APAF1: variants seen among roughly 807,000 people sequenced by gnomAD.
APAF1 encodes apoptotic peptidase activating factor 1.
Under a neutral mutation model 152.4 loss-of-function variants are expected in APAF1, and 91 were observed. The ratio of observed to expected loss-of-function variants is 0.60; its 90% confidence interval spans 0.50 to 0.71. The LOEUF is 0.71. APAF1 is among the 30% of genes least tolerant of loss of function. The probability of loss-of-function intolerance (pLI) is 0.00; values close to 1 mark genes in which losing one functional copy is unlikely to be tolerated. For synonymous variants in APAF1, 484 were observed against 494.1 expected, an observed-to-expected ratio of 0.98 and a Z score of 0.27; for missense variants, 1,283 against 1,472.0, an observed-to-expected ratio of 0.87 and a Z score of 2.10.
rs73378442 is a variant in APAF1, at chr12:98,706,938, A to T, written c.2721+328A>T. Among the ~76,000 whole-genome samples the T allele has an allele frequency of 1.6e-3, 249 of 152,256 alleles. 2 individuals are homozygous for T. Among genetic ancestry groups the T allele is most frequent in the African/African-American group, 5.8e-3 (240 of 41,550 alleles). Reference sequence around the variant, plus strand: ...AATTCCTACATCCAATTACTTGCCAATTCTGAGAGAGTCTACCTTTTCATT... The same window carrying T: ...AATTCCTACATCCAATTACTTGCCATTTCTGAGAGAGTCTACCTTTTCATT... On this transcript the variant is annotated intron_variant, in intron 19 of 26. Coordinates refer to ENST00000551964, the MANE Select transcript of APAF1 (RefSeq NM_181861.2).
chr12:98,671,860 A>G, intron 12 of APAF1, 141 bp downstream of exon 12: 2 of 796,296 alleles, frequency 2.5e-6, no homozygotes, highest in Non-Finnish European at 4.2e-6. Flanking sequence ...TTACTTATTG[A>G]AAAGTTCTAG....
At chr12:98,713,518 TC>T (rs1352768409) in intron 21 of APAF1, among the ~76,000 whole-genome samples, 1 of 152,192 alleles carries the variant, frequency 6.6e-6, no homozygotes, top group East Asian at 1.9e-4. Flanking sequence ...CCACCTGAAA[TC>T]CTTAATTTAT....
intron 4 of APAF1, 97 bp from the exon 5 acceptor site, chr12:98,659,063 A>G (rs1368848580): frequency 1.7e-6 from 2 of 1,179,626 alleles, no homozygotes; most frequent in South Asian, 1.2e-5. Context: ...ATGTGATGGG[A>G]TTGTAAATTG....
At chr12:98,717,764 A>G (rs904985679) in intron 22 of APAF1, among the ~76,000 whole-genome samples, 2 of 141,398 alleles carry the variant, frequency 1.4e-5, no homozygotes, top group African/African-American at 5.3e-5. Flanking sequence ...GGTTGTTTTG[A>G]CCTCCTATTT....
chr12:98,663,957 C>T (rs566867611), intron 7 of APAF1, among the ~76,000 whole-genome samples: 4 of 152,014 alleles, frequency 2.6e-5, no homozygotes, highest in African/African-American at 9.6e-5. Context: ...CATACCTGGC[C>T]ACCTTATTTT....
chr12:98,663,287 T>C (rs1021559027), intron 7 of APAF1, among the ~76,000 whole-genome samples: 2 of 152,238 alleles, frequency 1.3e-5, no homozygotes, highest in African/African-American at 4.8e-5. Context: ...TTTTTTGATA[T>C]AAGTATTTTT....
rs774512133 is a variant in APAF1, at chr12:98,648,335, CAG to C, written c.-17_-16del. On this transcript the variant is annotated 5_prime_UTR_variant, in exon 2 of 27. It introduces an in-frame stop codon into an upstream open reading frame of the 5' UTR. Transcript: ENST00000551964. ...TGGCTGTAGCTCATGGTTGACAGCT[CAG>C]AGAGAGAAAGATCTGAGGGAAGATG... is the stretch of plus-strand genomic sequence containing the variant. The C allele has an allele frequency of 3.1e-4, 502 of 1,613,818 alleles. No homozygotes were observed. Among genetic ancestry groups the C allele is most frequent in the Admixed American group, 3.8e-4 (23 of 60,018 alleles).
intron 16 of APAF1, among the ~76,000 whole-genome samples, chr12:98,688,638 A>ATT (rs34602173): frequency 1.9e-4 from 23 of 119,214 alleles, no homozygotes; most frequent in Middle Eastern, 4.4e-3. Flanking sequence ...ACCTGGCGAA[A>ATT]TTTTTTTTTT....
chr12:98,687,863 G>A (rs536924890), intron 16 of APAF1, among the ~76,000 whole-genome samples: 1 of 152,254 alleles, frequency 6.6e-6, no homozygotes, highest in South Asian at 2.1e-4. Flanking sequence ...CCAGGCTGGA[G>A]TACAATGGTG....
rs2097724413 is a variant in APAF1, at chr12:98,708,600, A to G, written c.2737A>G (p.Lys913Glu). 1 of 1,613,340 alleles carries G rather than the reference A, an allele frequency of 6.2e-7. No homozygotes were observed. The highest frequency in any genetic ancestry group is 8.5e-7 in the Non-Finnish European group (1 of 1,179,658). The change falls in exon 20 of 27, where the codon AAA (lysine) becomes GAA (glutamate). Residue 913 changes from lysine (K) to glutamate (E), a missense_variant. Lys to Glu is a moderately conservative substitution (Grantham distance 56). Coordinates refer to ENST00000551964, the MANE Select transcript of APAF1 (RefSeq NM_181861.2). ...DQTIRLWETK[K>E]VCKNSAVMLK... The stretch of plus-strand genomic sequence containing the variant: ...TCTTAATCAGCTCTGGGAGACAAAG[A>G]AAGTATGTAAGAACTCTGCTGTAAT...
Position 98,649,502 on chromosome 12 carries a change from G to A in APAF1, c.344G>A (p.Cys115Tyr). 1 of 1,614,172 alleles carries A rather than the reference G, an allele frequency of 6.2e-7. No individual in the cohort carries two copies. The highest frequency in any genetic ancestry group is 2.2e-5 in the East Asian group (1 of 44,886). The change falls in exon 4 of 27, where the codon TGT (cysteine) becomes TAT (tyrosine). Residue 115 changes from cysteine to tyrosine, a missense_variant. Cys to Tyr is a radical substitution (Grantham distance 194). Transcript: ENST00000551964. ...TGGATTTTAGTAAGGACAGTCCTGTGTGAAGGTGGAGTACCACAGAGGCCA... is the reference window on the plus strand; with the variant it reads ...TGGATTTTAGTAAGGACAGTCCTGTATGAAGGTGGAGTACCACAGAGGCCA... ...GITSYVRTVL[C>Y]EGGVPQRPVV...
intron 16 of APAF1, among the ~76,000 whole-genome samples, chr12:98,696,359 C>G (rs1452988757): frequency 3.9e-5 from 6 of 152,140 alleles, no homozygotes; most frequent in Non-Finnish European, 7.4e-5. Context: ...CAACAACCCG[C>G]ACTCTTGAGA....
intron 19 of APAF1, among the ~76,000 whole-genome samples, chr12:98,708,265 T>A (rs2097724013): frequency 6.6e-6 from 1 of 152,190 alleles, no homozygotes. Flanking sequence ...ACCTTGTGGA[T>A]TGGTATCAAA....
At chr12:98,659,580 CATCTCTACTAAACATACAAAA>C (rs2097662196) in intron 5 of APAF1, among the ~76,000 whole-genome samples, 1 of 151,818 alleles carries the variant, frequency 6.6e-6, no homozygotes, top group Non-Finnish European at 1.5e-5. Flanking sequence ...GGTGAAACCC[CATCTCTACTAAACATACAAAA>C]TTAGCCAGGT....
chr12:98,725,036 C>A (rs1056475494), intron 24 of APAF1, among the ~76,000 whole-genome samples: 2 of 152,188 alleles, frequency 1.3e-5, no homozygotes, highest in Admixed American at 6.5e-5. Context: ...CCTCATTTTA[C>A]AGATGCCGTG....
chr12:98,693,798 T>TG (rs1464357665), intron 16 of APAF1, among the ~76,000 whole-genome samples: 4 of 151,916 alleles, frequency 2.6e-5, no homozygotes, highest in Admixed American at 6.6e-5. Flanking sequence ...TTCAGTTTTT[T>TG]TTTTTTTTTT....
At chr12:98,674,640 A>AC (rs987561796) in intron 12 of APAF1, among the ~76,000 whole-genome samples, 1 of 152,142 alleles carries the variant, frequency 6.6e-6, no homozygotes, top group African/African-American at 2.4e-5. Flanking sequence ...AAAATAACAT[A>AC]CCCTGGCTCT....
chr12:98,648,080 C>T (rs2097644154), intron 1 of APAF1, among the ~76,000 whole-genome samples: 1 of 152,104 alleles, frequency 6.6e-6, no homozygotes, highest in South Asian at 2.1e-4. Context: ...TTATTTTAAA[C>T]AATTCCATAT....
chr12:98,677,517 G>A lies in APAF1; in HGVS notation c.1886G>A (p.Arg629Lys), dbSNP rs1320897192. The A allele has an allele frequency of 1.9e-6, 3 of 1,614,040 alleles. No homozygotes were observed. Among genetic ancestry groups the A allele is most frequent in the Admixed American group, 1.7e-5 (1 of 60,012 alleles). Residue 629 changes from arginine (R) to lysine (K), a missense_variant, in exon 13 of 27, where the codon AGA (arginine) becomes AAA (lysine). Coordinates refer to ENST00000551964, the MANE Select transcript of APAF1 (RefSeq NM_181861.2). ...YHACFSEDGQ[R>K]IASCGADKTL... ...GCCTGCTTTTCTGAGGATGGTCAGAGAATAGCTTCTTGTGGAGCTGATAAA... is the reference window on the plus strand; with the variant it reads ...GCCTGCTTTTCTGAGGATGGTCAGAAAATAGCTTCTTGTGGAGCTGATAAA...
Sources: allele counts gnomAD v4.1 joint callset (sites outside exome capture counted in the v4.1 genomes callset), GRCh38; gene constraint gnomAD v4.1.1; transcripts MANE v1.5; gene names NCBI Gene and HGNC (gene_info 2026-07-23, HGNC 2026-07-21).